AOAH: variants seen among roughly 807,000 people sequenced by gnomAD.
AOAH encodes the protein acyloxyacyl hydrolase.
AOAH carries 64 observed loss-of-function variants against 92.2 expected under a neutral mutation model. That is an observed-to-expected ratio of 0.69 (90% CI 0.57 to 0.86). The LOEUF is 0.86. AOAH is among the 40% of genes least tolerant of loss of function. The pLI, the probability that AOAH is intolerant of heterozygous loss-of-function variation, is 0.00. For synonymous variants in AOAH, 263 were observed against 254.5 expected (o/e 1.03, Z -0.32); for missense variants, 656 against 694.6 (o/e 0.94, Z 0.62).
At position 36,601,856 on chromosome 7, in the gene AOAH, C is replaced by T. The variant is rs926729401; in HGVS notation, c.847-7426G>A. Among the ~76,000 whole-genome samples the T allele has an allele frequency of 3.3e-5, 5 of 152,120 alleles. No individual in the cohort carries two copies. In the South Asian group the frequency reaches 1.0e-3, roughly 31 times the overall value. On this transcript the variant is annotated intron_variant, in intron 11 of 20. Transcript: ENST00000617537. ...GAAATAGTTCCAGTATTGCTAACAC[C>T]GCATGCAAAACCTCAGGGCTAAATT...
intron 1 of AOAH, among the ~76,000 whole-genome samples, chr7:36,704,462 A>G (rs1798260615): frequency 6.6e-6 from 1 of 152,222 alleles, no homozygotes; most frequent in South Asian, 2.1e-4. Context: ...ATCCTTGAAT[A>G]GACCAATAAC....
At chr7:36,687,108 T>G (rs576770424) in intron 1 of AOAH, among the ~76,000 whole-genome samples, 1 of 152,198 alleles carries the variant, frequency 6.6e-6, no homozygotes, top group Non-Finnish European at 1.5e-5. Context: ...GGATAAAATT[T>G]TTAATTTTGG....
chr7:36,528,613 A>G (rs995793715), intron 19 of AOAH, among the ~76,000 whole-genome samples: 1 of 152,134 alleles, frequency 6.6e-6, no homozygotes, highest in Non-Finnish European at 1.5e-5. Flanking sequence ...TTATTTTTAT[A>G]GAGATGAGGT....
rs376669314 is a variant in AOAH, at chr7:36,713,049, C to G, written c.127+10973G>C. ...GACACAGACTGGCAAATTGGATAAA[C>G]AGTCAAGACCCATCAGTGTGCTGTA... On this transcript the variant is annotated intron_variant, in intron 1 of 20. Coordinates refer to ENST00000617537, the MANE Select transcript of AOAH (RefSeq NM_001637.4). 1.1e-3 allele frequency among the ~76,000 whole-genome samples: 163 copies of G among 152,052 alleles called. 1 individual carries two copies. The highest frequency in any genetic ancestry group is 2.8e-3 in the Admixed American group (42 of 15,272).
At chr7:36,674,164 T>C (rs1796102882) in intron 2 of AOAH, among the ~76,000 whole-genome samples, 155 bp from the exon 3 acceptor site, 1 of 152,256 alleles carries the variant, frequency 6.6e-6, no homozygotes, top group Non-Finnish European at 1.5e-5. Flanking sequence ...AGCTAATGTA[T>C]GCATTAAATA....
intron 12 of AOAH, among the ~76,000 whole-genome samples, chr7:36,585,227 C>T (rs994462448): frequency 3.3e-5 from 5 of 151,614 alleles, no homozygotes; most frequent in African/African-American, 4.9e-5. Flanking sequence ...GGGCAGAGGG[C>T]GACTAGATAG....
At chr7:36,663,298 C>T (rs767223610) in intron 3 of AOAH, among the ~76,000 whole-genome samples, 4 of 152,162 alleles carry the variant, frequency 2.6e-5, no homozygotes, top group Non-Finnish European at 5.9e-5. Flanking sequence ...AATTGATAAA[C>T]CCGCATTGAC....
chr7:36,637,740 T>C (rs935626588), intron 5 of AOAH, 111 bp downstream of exon 5: 2 of 917,270 alleles, frequency 2.2e-6, no homozygotes, highest in African/African-American at 1.7e-5. Context: ...AGCTATGGCA[T>C]GTTGCAGGCT....
chr7:36,718,159 AT>A (rs1279806096), intron 1 of AOAH, among the ~76,000 whole-genome samples: 1 of 152,076 alleles, frequency 6.6e-6, no homozygotes, highest in Non-Finnish European at 1.5e-5. Flanking sequence ...TTGAATAGAA[AT>A]TTTTTTTCAA....
In AOAH at chr7:36,540,369, G is replaced by A. The variant is rs1257945250; in HGVS notation, c.1256C>T (p.Pro419Leu). The A allele has an allele frequency of 6.2e-7, 1 of 1,614,022 alleles. No homozygotes were observed. Among genetic ancestry groups the A allele is most frequent in the African/African-American group, 1.3e-5 (1 of 75,050 alleles). ...NGSHVILYGL[P>L]DGTFLWDNLH... ...ATTATCCCAGAGAAAGGTTCCATCT[G>A]GTAAGCCATACAAAATAACATGGCT... The change falls in exon 16 of 21, where the codon CCA becomes CTA. Residue 419 changes from proline to leucine, a missense_variant. Transcript: ENST00000617537.
intron 11 of AOAH, among the ~76,000 whole-genome samples, chr7:36,607,395 G>A (rs1791086382): frequency 6.6e-6 from 1 of 152,158 alleles, no homozygotes; most frequent in African/African-American, 2.4e-5. Flanking sequence ...GTCTTGATTT[G>A]TAAATGCATT....
chr7:36,690,310 A>G (rs760634359), intron 1 of AOAH: 10 of 358,028 alleles, frequency 2.8e-5, no homozygotes, highest in Non-Finnish European at 5.5e-5. Context: ...AGGACCCTGC[A>G]GGAAAGGCCA....
chr7:36,629,820 A>C (rs527321735), intron 6 of AOAH, among the ~76,000 whole-genome samples: 3 of 152,338 alleles, frequency 2.0e-5, no homozygotes, highest in South Asian at 2.1e-4. Context: ...TGGCAGAACA[A>C]GGAAAAGTGT....
chr7:36,631,810 A>C (rs1793130468), intron 6 of AOAH, among the ~76,000 whole-genome samples: 1 of 152,208 alleles, frequency 6.6e-6, no homozygotes, highest in African/African-American at 2.4e-5. Context: ...CCTGGGGAAC[A>C]GATCAGCTTT....
intron 6 of AOAH, among the ~76,000 whole-genome samples, chr7:36,623,452 C>A (rs968077199): frequency 2.6e-5 from 4 of 152,156 alleles, no homozygotes; most frequent in African/African-American, 9.7e-5. Context: ...CCCAACAGAA[C>A]TGTTTTCTGT....
At chr7:36,689,963 C>G in intron 1 of AOAH, 1 of 306,596 alleles carries the variant, frequency 3.3e-6, no homozygotes, top group Non-Finnish European at 6.4e-6. Context: ...CCCCAGTGAT[C>G]ATAAACCTTG....
At chr7:36,654,672 A>G (rs1794774698) in intron 4 of AOAH, among the ~76,000 whole-genome samples, 1 of 152,104 alleles carries the variant, frequency 6.6e-6, no homozygotes, top group Non-Finnish European at 1.5e-5. Context: ...CACATTATTT[A>G]TATTGTACTA....
intron 1 of AOAH, 122 bp downstream of exon 1, chr7:36,723,900 G>A (rs1028006853): frequency 6.2e-6 from 7 of 1,123,920 alleles, no homozygotes; most frequent in Non-Finnish European, 7.4e-6. Flanking sequence ...TGAGGTTACT[G>A]GTGCCTTACC....
At chr7:36,712,938 A>G (rs1025518812) in intron 1 of AOAH, among the ~76,000 whole-genome samples, 4 of 152,180 alleles carry the variant, frequency 2.6e-5, no homozygotes, top group Admixed American at 6.6e-5. Context: ...GAGCAAAATA[A>G]CCAGCTAATA....
Sources: gnomAD v4.1 joint callset for allele counts (sites outside exome capture counted in the v4.1 genomes callset) on GRCh38, gnomAD v4.1.1 for gene constraint, MANE v1.5 for transcripts, NCBI Gene and HGNC (gene_info 2026-07-23, HGNC 2026-07-21) for gene names.